The following MEI4 variants were observed in gnomAD, a reference collection of about 807,000 sequenced individuals.
The protein encoded by MEI4 is meiotic double-stranded break formation protein 4, also known as meiosis-specific protein MEI4.
A neutral mutation model predicts 31.4 loss-of-function variants in MEI4; 27 were observed. The observed-to-expected ratio is 0.86, with a 90% CI of 0.63 to 1.19. The LOEUF is 1.19. Ranked by LOEUF, MEI4 falls within the 50% of genes most tolerant of loss-of-function variation. MEI4 has a pLI of 0.00. For synonymous variants in MEI4, 122 were observed against 145.4 expected, an observed-to-expected ratio of 0.84 and a Z score of 1.16; for missense variants, 329 against 398.9, an observed-to-expected ratio of 0.82 and a Z score of 1.49.
intron 4 of MEI4, among the ~76,000 whole-genome samples, chr6:77,882,145 A>G (rs1366861309): frequency 1.3e-5 from 2 of 152,324 alleles, no homozygotes; most frequent in South Asian, 2.1e-4. Flanking sequence ...AAGCACATGC[A>G]TAAATCAATA....
intron 2 of MEI4, among the ~76,000 whole-genome samples, chr6:77,759,089 GTTTAAA>G: frequency 6.6e-6 from 1 of 152,094 alleles, no homozygotes. Context: ...TTGTTTGTTT[GTTTAAA>G]TTAGCAATTC....
intron 2 of MEI4, among the ~76,000 whole-genome samples, chr6:77,737,159 A>T (rs1767268268): frequency 6.6e-6 from 1 of 152,184 alleles, no homozygotes; most frequent in South Asian, 2.1e-4. Context: ...TAAAAGGGAA[A>T]CTTAATATTT....
intron 3 of MEI4, among the ~76,000 whole-genome samples, chr6:77,778,562 C>T (rs979199749): frequency 4.6e-5 from 7 of 151,704 alleles, no homozygotes; most frequent in African/African-American, 1.4e-4. Flanking sequence ...AATAGCTGGG[C>T]GGTATGGCGA....
At chr6:77,824,158 C>T (rs1310546724) in intron 3 of MEI4, among the ~76,000 whole-genome samples, 2 of 152,076 alleles carry the variant, frequency 1.3e-5, no homozygotes, top group African/African-American at 4.8e-5. Flanking sequence ...GGAATGAGCT[C>T]GACTCACTGC....
intron 2 of MEI4, among the ~76,000 whole-genome samples, chr6:77,696,569 A>C (rs1462322144): frequency 2.0e-4 from 31 of 151,580 alleles, no homozygotes; most frequent in Admixed American, 1.9e-3. Flanking sequence ...GATTACATTT[A>C]TTGATTTGCG....
intron 4 of MEI4, among the ~76,000 whole-genome samples, chr6:77,893,597 C>T (rs1766016658): frequency 6.6e-6 from 1 of 152,214 alleles, no homozygotes; most frequent in Admixed American, 6.5e-5. Context: ...TATGTAATTT[C>T]TGTCTTAGCA....
intron 2 of MEI4, among the ~76,000 whole-genome samples, chr6:77,754,144 C>T (rs1245721638): frequency 1.3e-5 from 2 of 151,958 alleles, no homozygotes; most frequent in African/African-American, 4.8e-5. Flanking sequence ...GGAGAAATAC[C>T]TAATGTAGAT....
At chr6:77,922,941 TC>T in intron 4 of MEI4, 147 bp from the exon 5 acceptor site, 1 of 423,376 alleles carries the variant, frequency 2.4e-6, no homozygotes, top group Non-Finnish European at 4.0e-6. Context: ...GTTTTTTATT[TC>T]CCCCTTGTTC....
chr6:77,912,276 C>T (rs1766450561), intron 4 of MEI4, among the ~76,000 whole-genome samples: 1 of 152,084 alleles, frequency 6.6e-6, no homozygotes, highest in African/African-American at 2.4e-5. Context: ...TCTAGCTTTG[C>T]TCTTTTTCCT....
intron 4 of MEI4, among the ~76,000 whole-genome samples, chr6:77,913,612 T>C (rs1766477849): frequency 6.6e-6 from 1 of 152,100 alleles, no homozygotes; most frequent in Non-Finnish European, 1.5e-5. Flanking sequence ...CTTTTGTATT[T>C]CTATGGTATC....
chr6:77,853,643 T>C (rs1432732779), intron 4 of MEI4, among the ~76,000 whole-genome samples: 2 of 152,178 alleles, frequency 1.3e-5, no homozygotes, highest in Non-Finnish European at 2.9e-5. Flanking sequence ...GAAGTATTGC[T>C]TTCTGTGAAA....
At chr6:77,679,171 T>C (rs1328573987) in intron 1 of MEI4, among the ~76,000 whole-genome samples, 1 of 152,194 alleles carries the variant, frequency 6.6e-6, no homozygotes, top group African/African-American at 2.4e-5. Flanking sequence ...ATATATTTAG[T>C]GTAGCCTAAG....
intron 4 of MEI4, among the ~76,000 whole-genome samples, chr6:77,916,644 A>C (rs1238230365): frequency 1.3e-5 from 2 of 152,124 alleles, no homozygotes; most frequent in African/African-American, 2.4e-5. Flanking sequence ...CTTAACCAAA[A>C]GAAGATCCCA....
At chr6:77,681,139 G>T (rs1255786662) in intron 1 of MEI4, among the ~76,000 whole-genome samples, 1 of 152,068 alleles carries the variant, frequency 6.6e-6, no homozygotes, top group African/African-American at 2.4e-5. Context: ...GAAAAGCCTG[G>T]TCTCTTCCCT....
chr6:77,802,143 T>C (rs865813479), intron 3 of MEI4, among the ~76,000 whole-genome samples: 1 of 152,174 alleles, frequency 6.6e-6, no homozygotes, highest in Admixed American at 6.6e-5. Context: ...GCTTTATGAA[T>C]CTGGGTGCTC....
chr6:77,725,069 C>T (rs1364171905), intron 2 of MEI4, among the ~76,000 whole-genome samples: 8 of 117,070 alleles, frequency 6.8e-5, no homozygotes, highest in Non-Finnish European at 3.7e-5. Flanking sequence ...GTTTTAGTTC[C>T]TTACCAATTC....
At chr6:77,790,927 A>G (rs1187906359) in intron 3 of MEI4, among the ~76,000 whole-genome samples, 1 of 152,234 alleles carries the variant, frequency 6.6e-6, no homozygotes, top group Non-Finnish European at 1.5e-5. Flanking sequence ...GGACACATGA[A>G]AAAACGCTCA....
At chr6:77,758,654 G>T (rs1767969785) in intron 2 of MEI4, among the ~76,000 whole-genome samples, 1 of 152,132 alleles carries the variant, frequency 6.6e-6, no homozygotes, top group Non-Finnish European at 1.5e-5. Flanking sequence ...TCGGCTTAGA[G>T]AAAAGTGTTT....
chr6:77,809,679 C>T (rs1224515521), intron 3 of MEI4, among the ~76,000 whole-genome samples: 2 of 152,058 alleles, frequency 1.3e-5, no homozygotes, highest in Non-Finnish European at 2.9e-5. Context: ...AGAATTCTGT[C>T]TTTTGACATA....
Sources: allele counts gnomAD v4.1 joint callset (sites outside exome capture counted in the v4.1 genomes callset), GRCh38; gene constraint gnomAD v4.1.1; transcripts MANE v1.5; gene names NCBI Gene and HGNC (gene_info 2026-07-23, HGNC 2026-07-21).